The following LHFPL3 variants were observed in gnomAD, a reference collection of about 807,000 sequenced individuals.
LHFPL3 encodes LHFPL tetraspan subfamily member 3, also known as LHFPL tetraspan subfamily member 3 protein.
In LHFPL3, 5 loss-of-function variants were observed where a neutral mutation model predicts 19.3. The ratio of observed to expected loss-of-function variants is 0.26; its 90% CI spans 0.14 to 0.54. The LOEUF is 0.54. Among genes scored for constraint, LHFPL3 ranks in the 20% least tolerant of loss-of-function variants. The pLI is 0.94. For missense variants in LHFPL3, 249 were observed against 307.4 expected (o/e 0.81, Z 1.42); for synonymous variants, 133 against 126.2 (o/e 1.05, Z -0.36).
intron 1 of LHFPL3, among the ~76,000 whole-genome samples, chr7:104,368,992 T>C (rs1790555703): frequency 6.6e-6 from 1 of 152,246 alleles, no homozygotes; most frequent in African/African-American, 2.4e-5. Context: ...CACAGCGATC[T>C]TATGAGGGTT....
rs1043434107 is a variant in LHFPL3, at chr7:104,331,687, T to C, written c.445+2463T>C. Among the ~76,000 whole-genome samples the C allele has an allele frequency of 2.6e-5, 4 of 152,268 alleles. No homozygotes were observed. In the East Asian group the frequency reaches 5.8e-4, roughly 22 times the overall value. ...AGTCTAGGCCGGGCGCAGTGGCTCA[T>C]GCCTGTAATCTCAGCACTTTGGGAG... On this transcript the variant is annotated intron_variant, in intron 1 of 2. Transcript: ENST00000424859.
chr7:104,627,494 G>A (rs1791567302), intron 1 of LHFPL3, among the ~76,000 whole-genome samples: 1 of 152,082 alleles, frequency 6.6e-6, no homozygotes, highest in South Asian at 2.1e-4. Flanking sequence ...GACAGTTATA[G>A]GAGAGAGTCT....
At chr7:104,482,256 T>C (rs1443840585) in intron 1 of LHFPL3, among the ~76,000 whole-genome samples, 2 of 152,186 alleles carry the variant, frequency 1.3e-5, no homozygotes, top group African/African-American at 4.8e-5. Flanking sequence ...CTCAATTCCT[T>C]ACAAGTTTTT....
intron 1 of LHFPL3, among the ~76,000 whole-genome samples, chr7:104,678,038 A>G (rs1792625168): frequency 6.6e-6 from 1 of 152,192 alleles, no homozygotes. Flanking sequence ...ATCTGAGACA[A>G]TCAGCCCCAC....
At chr7:104,878,454 A>C (rs1393553335) in intron 2 of LHFPL3, among the ~76,000 whole-genome samples, 1 of 152,066 alleles carries the variant, frequency 6.6e-6, no homozygotes, top group Non-Finnish European at 1.5e-5. Flanking sequence ...CTTTGATGTT[A>C]CTATTGTAAT....
chr7:104,533,334 C>T (rs1794337795), intron 1 of LHFPL3, among the ~76,000 whole-genome samples: 1 of 152,090 alleles, frequency 6.6e-6, no homozygotes. Context: ...TTCCTTCATC[C>T]ACATGGGAGT....
chr7:104,580,999 A>T (rs1790450005), intron 1 of LHFPL3, among the ~76,000 whole-genome samples: 1 of 151,992 alleles, frequency 6.6e-6, no homozygotes, highest in South Asian at 2.1e-4. Context: ...TCCTTGTACA[A>T]GTCTTTTTGT....
At chr7:104,704,582 AAAAGTACCTT>A (rs1036249064) in intron 1 of LHFPL3, among the ~76,000 whole-genome samples, 1 of 152,002 alleles carries the variant, frequency 6.6e-6, no homozygotes, top group African/African-American at 2.4e-5. Flanking sequence ...CTGCATATCC[AAAAGTACCTT>A]TCTTGCCCTA....
At chr7:104,497,056 A>G (rs747360813) in intron 1 of LHFPL3, among the ~76,000 whole-genome samples, 1 of 152,182 alleles carries the variant, frequency 6.6e-6, no homozygotes, top group Admixed American at 6.5e-5. Flanking sequence ...CACCAGGAGA[A>G]ATCATTCCTT....
chr7:104,647,301 T>C (rs892591091), intron 1 of LHFPL3, among the ~76,000 whole-genome samples: 13 of 152,202 alleles, frequency 8.5e-5, no homozygotes, highest in Non-Finnish European at 1.3e-4. Flanking sequence ...TCTGACCTAA[T>C]ACAGGCCTAC....
intron 1 of LHFPL3, chr7:104,623,063 A>G (rs1362165378): frequency 3.2e-6 from 1 of 316,860 alleles, no homozygotes; most frequent in African/African-American, 2.2e-5. Flanking sequence ...TGTATTCATT[A>G]TTTCTATATC....
chr7:104,775,658 C>T (rs1794625839), intron 2 of LHFPL3, among the ~76,000 whole-genome samples: 2 of 152,090 alleles, frequency 1.3e-5, no homozygotes, highest in Admixed American at 1.3e-4. Context: ...GATTTAAAAC[C>T]TCAAAGATTC....
chr7:104,813,436 T>G (rs1300320546), intron 2 of LHFPL3, among the ~76,000 whole-genome samples: 1 of 152,244 alleles, frequency 6.6e-6, no homozygotes, highest in Non-Finnish European at 1.5e-5. Flanking sequence ...ACCATTTTTC[T>G]GGTCGGAAAA....
At chr7:104,346,128 C>T (rs1352491165) in intron 1 of LHFPL3, among the ~76,000 whole-genome samples, 12 of 151,372 alleles carry the variant, frequency 7.9e-5, no homozygotes, top group African/African-American at 2.9e-4. Flanking sequence ...CTCTGCCTCC[C>T]AGGTTCAAGC....
intron 2 of LHFPL3, among the ~76,000 whole-genome samples, chr7:104,818,808 C>G (rs1790618388): frequency 6.6e-6 from 1 of 151,768 alleles, no homozygotes; most frequent in African/African-American, 2.4e-5. Flanking sequence ...CTCTCACTCA[C>G]TCAAATGCTA....
At chr7:104,594,432 G>T (rs925097225) in intron 1 of LHFPL3, among the ~76,000 whole-genome samples, 7 of 152,208 alleles carry the variant, frequency 4.6e-5, no homozygotes, top group African/African-American at 1.7e-4. Flanking sequence ...GCTTCCCTCT[G>T]TGGGTAACTC....
At chr7:104,342,715 C>T (rs1052597914) in intron 1 of LHFPL3, among the ~76,000 whole-genome samples, 4 of 152,196 alleles carry the variant, frequency 2.6e-5, no homozygotes, top group African/African-American at 9.6e-5. Flanking sequence ...ACTCAGAGAG[C>T]ATTCTTTTTA....
chr7:104,767,919 C>A (rs1002850113), intron 2 of LHFPL3, among the ~76,000 whole-genome samples: 2 of 152,032 alleles, frequency 1.3e-5, no homozygotes, highest in African/African-American at 2.4e-5. Flanking sequence ...AATAAATGAA[C>A]CTTGTGATTT....
Position 104,883,001 on chromosome 7 carries a change from CT to C in LHFPL3, c.683-23184del, listed in dbSNP as rs1792085000. 2.6e-5 allele frequency among the ~76,000 whole-genome samples: 4 copies of C among 152,292 alleles called. No homozygotes were observed. The South Asian group carries it at 8.3e-4, about 32-fold the overall frequency. The stretch of plus-strand genomic sequence containing the variant: ...TGAGCAAACCACGCAATGTTTGAGA[CT>C]TACTTATACTAAAAAACTGTCAATG... On this transcript the variant is annotated intron_variant, in intron 2 of 2. Coordinates refer to ENST00000424859, the MANE Select transcript of LHFPL3 (RefSeq NM_199000.3).
Sources: allele counts gnomAD v4.1 joint callset (sites outside exome capture counted in the v4.1 genomes callset), GRCh38; gene constraint gnomAD v4.1.1; transcripts MANE v1.5; gene names NCBI Gene and HGNC (gene_info 2026-07-23, HGNC 2026-07-21).